COL21A1: variants seen among roughly 807,000 people sequenced by gnomAD.
COL21A1 encodes the protein collagen alpha-1(XXI) chain.
Under a neutral mutation model 137.9 loss-of-function variants are expected in COL21A1, and 149 were observed. The observed-to-expected ratio is 1.08, with a 90% CI of 0.95 to 1.24. The LOEUF is 1.24. COL21A1 is among the 50% of genes most tolerant of loss of function. COL21A1 has a pLI of 0.00. For missense variants in COL21A1, 1,167 were observed against 1,158.4 expected (o/e 1.01, Z -0.11); for synonymous variants, 456 against 391.5 (o/e 1.16, Z -1.95).
At chr6:56,344,366 A>G (rs1164546067) in intron 1 of COL21A1, among the ~76,000 whole-genome samples, 1 of 152,236 alleles carries the variant, frequency 6.6e-6, no homozygotes, top group Non-Finnish European at 1.5e-5. Context: ...TACAAATAAG[A>G]AAAAGAAAAG....
chr6:56,095,844 TTTTTTG>T (rs1769267340), intron 17 of COL21A1, among the ~76,000 whole-genome samples: 1 of 152,042 alleles, frequency 6.6e-6, no homozygotes, highest in South Asian at 2.1e-4. Context: ...TAATATTGGT[TTTTTTG>T]TTTTTGTTTC....
Position 56,253,208 on chromosome 6 carries a change from C to T in COL21A1, c.-38-70552G>A, listed in dbSNP as rs140698616. On this transcript the variant is annotated intron_variant, in intron 1 of 28. Transcript: ENST00000370819. ...CAGATGCTCACTGCTGAACTATAGA[C>T]CTTGGGCTGCTGTTTCCAGAAACAT... is the stretch of plus-strand genomic sequence containing the variant. 5.9e-5 allele frequency among the ~76,000 whole-genome samples: 9 copies of T among 152,280 alleles called. No individual in the cohort carries two copies. The East Asian group carries it at 1.7e-3, about 29-fold the overall frequency.
Position 56,164,448 on chromosome 6 carries a change from C to A in COL21A1, c.1346G>T (p.Gly449Val). The A allele has an allele frequency of 6.3e-7, 1 of 1,588,486 alleles. No individual in the cohort carries two copies. Among genetic ancestry groups the A allele is most frequent in the East Asian group, 2.3e-5 (1 of 44,146 alleles). The stretch of plus-strand genomic sequence containing the variant: ...TTTGGGGCCTTGAAGTCCTGGTTTT[C>A]CCGGAGGACAAATACAGGGAGCTGG... ...STPAPCICPP[G>V]KPGLQGPKGD... is the part of the protein sequence containing the mutation. Residue 449 changes from glycine (G) to valine (V), a missense_variant, in exon 9 of 30, where the codon GGA (glycine) becomes GTA (valine). Physicochemically the swap from Gly to Val is moderately radical, Grantham distance 109 (BLOSUM62 -3). Transcript: ENST00000244728.
intron 10 of COL21A1, among the ~76,000 whole-genome samples, chr6:56,148,723 G>T (rs909865974): frequency 1.2e-4 from 18 of 152,004 alleles, no homozygotes; most frequent in African/African-American, 4.1e-4. Flanking sequence ...CCCTCAACAA[G>T]TGTACTCTGC....
In COL21A1 at chr6:56,362,598, G is replaced by A. The variant is rs145420068; in HGVS notation, c.-39+31373C>T. ...GCTCTCCCTCTGACATCTCCTTCTC[G>A]GCCTTTCCTTCAAAGATATGCTCCT... On this transcript the variant is annotated intron_variant, in intron 1 of 28. Transcript: ENST00000370819. Among the ~76,000 whole-genome samples the A allele has an allele frequency of 3.7e-4, 56 of 151,980 alleles. 1 individual carries two copies. The East Asian group carries it at 0.01, about 28-fold the overall frequency.
chr6:56,115,961 T>A (rs1331448317), intron 16 of COL21A1, among the ~76,000 whole-genome samples: 1 of 151,884 alleles, frequency 6.6e-6, no homozygotes, highest in Non-Finnish European at 1.5e-5. Flanking sequence ...GAAGATAGAC[T>A]TTGGAAATAA....
In COL21A1 at chr6:56,160,362, G is replaced by A. The variant is rs567599096; in HGVS notation, c.1372-3413C>T. 1.1e-4 allele frequency among the ~76,000 whole-genome samples: 16 copies of A among 152,274 alleles called. 1 individual carries two copies. The South Asian group carries it at 3.1e-3, about 30-fold the overall frequency. On this transcript the variant is annotated intron_variant, in intron 9 of 29. Transcript: ENST00000244728. ...GAAAACTGAGGGCCAGGAAAGTTAGGTAAGTTGCCTGAGGTCACACAGCAG... is the reference window on the plus strand; with the variant it reads ...GAAAACTGAGGGCCAGGAAAGTTAGATAAGTTGCCTGAGGTCACACAGCAG...
At chr6:56,084,430 C>T (rs116684535) in intron 17 of COL21A1, among the ~76,000 whole-genome samples, 10,109 of 151,826 alleles carry the variant, frequency 0.067, 397 homozygotes, top group Admixed American at 0.11. Context: ...CAGACATAAT[C>T]TCATTAAATG....
intron 1 of COL21A1, among the ~76,000 whole-genome samples, chr6:56,324,627 A>C (rs933775241): frequency 6.6e-6 from 1 of 152,060 alleles, no homozygotes; most frequent in Non-Finnish European, 1.5e-5. Context: ...TCATGGTGAA[A>C]CTAGACAGAA....
chr6:56,252,793 C>G (rs568595865), intron 1 of COL21A1, among the ~76,000 whole-genome samples: 34 of 152,152 alleles, frequency 2.2e-4, no homozygotes, highest in Non-Finnish European at 3.4e-4. Context: ...ATGCTGTTAC[C>G]ATAAAAAGGA....
chr6:56,307,477 G>A (rs1764494285), intron 1 of COL21A1, among the ~76,000 whole-genome samples: 1 of 152,200 alleles, frequency 6.6e-6, no homozygotes, highest in African/African-American at 2.4e-5. Flanking sequence ...TCAGACTGCT[G>A]TGCTAGCAGT....
At chr6:56,182,017 G>C (rs1449583809) in intron 2 of COL21A1, among the ~76,000 whole-genome samples, 1 of 152,100 alleles carries the variant, frequency 6.6e-6, no homozygotes, top group Non-Finnish European at 1.5e-5. Context: ...GGATGCTTAT[G>C]AGTTTTAAAA....
chr6:56,350,057 G>T (rs1295879645), intron 1 of COL21A1, among the ~76,000 whole-genome samples: 1 of 152,190 alleles, frequency 6.6e-6, no homozygotes, highest in African/African-American at 2.4e-5. Flanking sequence ...CCGAAAGTCT[G>T]CTCAAAATGG....
At chr6:56,234,630 C>T (rs1781788474) in intron 1 of COL21A1, among the ~76,000 whole-genome samples, 1 of 151,374 alleles carries the variant, frequency 6.6e-6, no homozygotes, top group Non-Finnish European at 1.5e-5. Context: ...AAAAAATTTG[C>T]ACTTTCATCT....
chr6:56,163,525 A>C (rs1210485395), intron 9 of COL21A1, among the ~76,000 whole-genome samples: 1 of 152,098 alleles, frequency 6.6e-6, no homozygotes, highest in East Asian at 1.9e-4. Flanking sequence ...CCTTGCCAAC[A>C]CGGTGAAACC....
intron 1 of COL21A1, among the ~76,000 whole-genome samples, chr6:56,289,218 A>C (rs4388289): frequency 6.6e-6 from 1 of 152,222 alleles, no homozygotes; most frequent in Non-Finnish European, 1.5e-5. Context: ...GATATGCATT[A>C]AGCACCATGC....
chr6:56,238,580 C>T (rs1782063293), intron 1 of COL21A1, among the ~76,000 whole-genome samples: 1 of 152,022 alleles, frequency 6.6e-6, no homozygotes, highest in Non-Finnish European at 1.5e-5. Context: ...CAAAGACTGA[C>T]AGCCTCATGG....
chr6:56,098,370 T>C (rs1410264789), intron 17 of COL21A1, among the ~76,000 whole-genome samples: 1 of 51,526 alleles, frequency 1.9e-5, no homozygotes, highest in African/African-American at 9.8e-5. Flanking sequence ...TATGAATATA[T>C]ATAAATATAT....
intron 1 of COL21A1, chr6:56,276,796 G>GTGTTTTTTT: frequency 1.0e-6 from 1 of 999,804 alleles, no homozygotes. Context: ...TCAGTGAGTT[G>GTGTTTTTTT]TGTTTTTTTT....
Sources: allele counts gnomAD v4.1 joint callset (sites outside exome capture counted in the v4.1 genomes callset), GRCh38; gene constraint gnomAD v4.1.1; transcripts MANE v1.5; gene names NCBI Gene and HGNC (gene_info 2026-07-23, HGNC 2026-07-21).